The following SCAF4 variants were observed in gnomAD, a reference collection of about 807,000 sequenced individuals.
The protein encoded by SCAF4 is SR-related and CTD-associated factor 4.
In SCAF4, 25 loss-of-function variants were observed where a neutral mutation model predicts 129.8. The observed-to-expected ratio is 0.19, with a 90% CI of 0.14 to 0.27. The LOEUF is 0.27. SCAF4 is among the 10% of genes least tolerant of loss of function. The pLI is 1.00. For missense variants in SCAF4, 1,246 were observed against 1,457.1 expected (o/e 0.86, Z 2.36); for synonymous variants, 551 against 497.7 (o/e 1.11, Z -1.43).
At chr21:31,679,975 T>TA in intron 19 of SCAF4, among the ~76,000 whole-genome samples, 1 of 152,358 alleles carries the variant, frequency 6.6e-6, no homozygotes, top group South Asian at 2.1e-4. Flanking sequence ...GTTAACTTTC[T>TA]ATCACTGAAT....
intron 1 of SCAF4, 146 bp from the exon 2 acceptor site, chr21:31,706,503 A>T: frequency 1.6e-6 from 1 of 615,280 alleles, no homozygotes. Context: ...GGCAGCAGGA[A>T]GAGCTTTGGT....
Position 31,693,483 on chromosome 21 carries a change from A to G in SCAF4, c.1324T>C (p.Ser442Pro). Reference protein sequence around the residue: ...RKSRSRSASRSPKRRRSRSGS... With the variant: ...RKSRSRSASRPPKRRRSRSGS... ...GATCTAGATCGCCTCCTTTTTGGTGACCTAATGTTTTCAAGAGAAGGGAGA... is the reference window on the plus strand; with the variant it reads ...GATCTAGATCGCCTCCTTTTTGGTGGCCTAATGTTTTCAAGAGAAGGGAGA... The change falls in exon 12 of 20, where the codon TCA becomes CCA. Residue 442 changes from serine (S) to proline (P), a missense_variant and splice_region_variant. By Grantham distance (74) the Ser-to-Pro change is moderately conservative. This residue lies in a region of SCAF4 where 468 missense variants were observed against 605.5 expected (regional missense o/e 0.77). Transcript: ENST00000286835. 1 of 1,474,944 alleles carries G rather than the reference A, an allele frequency of 6.8e-7. No homozygotes were observed. The highest frequency in any genetic ancestry group is 2.4e-4 in the Middle Eastern group (1 of 4,214). The allele number at this position is 1,474,944 out of a possible 1,614,324, so 91.4% of individuals were successfully genotyped here.
chr21:31,728,391 T>A (rs2051261827), intron 1 of SCAF4, among the ~76,000 whole-genome samples: 1 of 152,072 alleles, frequency 6.6e-6, no homozygotes, highest in Admixed American at 6.6e-5. Context: ...TTTCCTTATC[T>A]CCCATCACCA....
intron 6 of SCAF4, 124 bp downstream of exon 6, chr21:31,701,652 T>G (rs1322408646): frequency 2.9e-5 from 30 of 1,037,804 alleles, no homozygotes; most frequent in Non-Finnish European, 3.6e-5. Context: ...TTGTGAAGGC[T>G]TTTCTAGTTG....
In SCAF4 at chr21:31,696,668, G is replaced by A. The variant is rs201779077; in HGVS notation, c.860C>T (p.Thr287Met). Residue 287 changes from threonine to methionine, a missense_variant, in exon 8 of 20, where the codon ACG becomes ATG. Thr to Met is a moderately conservative substitution (Grantham distance 81). Around this residue, in one of 6 missense-constraint regions of SCAF4, gnomAD observed 236 missense variants for 210.0 expected, o/e 1.12. Coordinates refer to ENST00000286835, the MANE Select transcript of SCAF4 (RefSeq NM_020706.2). ...GGGTACTGCGGCAGCAGGTGCTGTCGTGGTGACGGCAGTGGTATCCTCTTT... is the reference window on the plus strand; with the variant it reads ...GGGTACTGCGGCAGCAGGTGCTGTCATGGTGACGGCAGTGGTATCCTCTTT... ...SKKEDTTAVTTTAPAAAVPPA... is the reference protein window; with the variant it reads ...SKKEDTTAVTMTAPAAAVPPA... The A allele has an allele frequency of 7.2e-5, 116 of 1,613,956 alleles. No homozygotes were observed. The highest frequency in any genetic ancestry group is 7.1e-4 in the African/African-American group (53 of 75,032).
intron 19 of SCAF4, among the ~76,000 whole-genome samples, chr21:31,675,139 ATGACT>A: frequency 6.6e-6 from 1 of 152,230 alleles, no homozygotes; most frequent in African/African-American, 2.4e-5. Context: ...CCACAATAAA[ATGACT>A]TGATGAAAAC....
At chr21:31,717,948 T>TA (rs2050978161) in intron 1 of SCAF4, among the ~76,000 whole-genome samples, 1 of 112,510 alleles carries the variant, frequency 8.9e-6, no homozygotes, top group East Asian at 2.2e-4. Flanking sequence ...CACACACACA[T>TA]ATATATTTTT....
intron 1 of SCAF4, among the ~76,000 whole-genome samples, chr21:31,725,816 G>C (rs760795809): frequency 2.6e-5 from 4 of 152,084 alleles, no homozygotes; most frequent in Non-Finnish European, 5.9e-5. Context: ...TTAAACCAAA[G>C]TTTAAATGAC....
At chr21:31,717,844 C>T (rs36055144) in intron 1 of SCAF4, among the ~76,000 whole-genome samples, 4,355 of 71,032 alleles carry the variant, frequency 0.061, 144 homozygotes, top group South Asian at 0.15. Context: ...TATATATATA[C>T]ACACACACAC....
At chr21:31,701,239 T>TA (rs1025291572) in intron 6 of SCAF4, 68 bp from the exon 7 acceptor site, 12 of 1,375,680 alleles carry the variant, frequency 8.7e-6, no homozygotes, top group African/African-American at 2.9e-5. Flanking sequence ...GTTAATTTAA[T>TA]AAAAAAATGT....
intron 1 of SCAF4, among the ~76,000 whole-genome samples, chr21:31,713,339 A>G (rs922012875): frequency 6.6e-6 from 1 of 152,210 alleles, no homozygotes; most frequent in Non-Finnish European, 1.5e-5. Context: ...ACCTATGAGA[A>G]TTCCTCCATC....
intron 1 of SCAF4, among the ~76,000 whole-genome samples, chr21:31,714,601 AAAG>A (rs1417719566): frequency 6.6e-6 from 1 of 152,220 alleles, no homozygotes; most frequent in African/African-American, 2.4e-5. Flanking sequence ...AAGTGAAGAT[AAAG>A]AAGAACGAGG....
At chr21:31,710,284 C>T (rs745867985) in intron 1 of SCAF4, among the ~76,000 whole-genome samples, 13 of 152,002 alleles carry the variant, frequency 8.6e-5, no homozygotes, top group Non-Finnish European at 5.9e-5. Flanking sequence ...TGCGGTGGCT[C>T]ACACCTGTAA....
In SCAF4 at chr21:31,672,253, C is replaced by T; in HGVS notation, c.2590G>A (p.Gly864Arg). 1 of 1,613,034 alleles carries T rather than the reference C, an allele frequency of 6.2e-7. No individual in the cohort carries two copies. ...PGLIPLQRPPGMPPPHLQRFP... is the reference protein window; with the variant it reads ...PGLIPLQRPPRMPPPHLQRFP... ...CGCTGTAAGTGAGGTGGGGGCATTC[C>T]TGGAGGGCGCTGGAGTGGGATGAGA... is the stretch of plus-strand genomic sequence containing the variant. The change falls in exon 20 of 20, where the codon GGA (glycine) becomes AGA (arginine). Residue 864 changes from glycine (G) to arginine (R), a missense_variant. Gly to Arg is a moderately radical substitution (Grantham distance 125). Coordinates refer to ENST00000286835, the MANE Select transcript of SCAF4 (RefSeq NM_020706.2).
chr21:31,725,731 T>C (rs900616001), intron 1 of SCAF4, among the ~76,000 whole-genome samples: 2 of 152,142 alleles, frequency 1.3e-5, no homozygotes, highest in Non-Finnish European at 2.9e-5. Context: ...TATGTAGCAG[T>C]ATATTCCAGA....
chr21:31,694,142 A>T (rs1424021330), intron 11 of SCAF4, 62 bp downstream of exon 11: 3 of 883,124 alleles, frequency 3.4e-6, no homozygotes, highest in Non-Finnish European at 5.5e-6. Context: ...AACCCAATCT[A>T]ATTTTAATTT....
chr21:31,699,584 TA>T (rs1658577128), intron 7 of SCAF4, among the ~76,000 whole-genome samples: 1 of 152,046 alleles, frequency 6.6e-6, no homozygotes. Context: ...TCATCACTCA[TA>T]AATCACTAAG....
intron 1 of SCAF4, among the ~76,000 whole-genome samples, chr21:31,724,986 T>G (rs1025112368): frequency 6.6e-6 from 1 of 152,184 alleles, no homozygotes; most frequent in Admixed American, 6.5e-5. Context: ...TCGCAATCAC[T>G]ATAAAGCCAG....
At chr21:31,720,193 C>T (rs572708037) in intron 1 of SCAF4, among the ~76,000 whole-genome samples, 10 of 152,142 alleles carry the variant, frequency 6.6e-5, no homozygotes, top group African/African-American at 2.4e-4. Context: ...GACATCAATA[C>T]AAGAAATAAA....
Sources: gnomAD v4.1 joint callset for allele counts (sites outside exome capture counted in the v4.1 genomes callset) on GRCh38, gnomAD v4.1.1 for gene constraint, gnomAD v4.1.1 regional missense constraint, MANE v1.5 for transcripts, NCBI Gene and HGNC (gene_info 2026-07-23, HGNC 2026-07-21) for gene names.